Variants in ADGRA3 observed in about 807,000 individuals in gnomAD.
The protein encoded by ADGRA3 is G-protein coupled receptor 125.
A neutral mutation model predicts 119.8 loss-of-function variants in ADGRA3; 56 were observed. That is an observed-to-expected ratio of 0.47 (90% confidence interval 0.38 to 0.58). ADGRA3 has a LOEUF of 0.58. Among genes scored for constraint, ADGRA3 ranks in the 20% least tolerant of loss-of-function variants. ADGRA3 has a pLI of 0.00. For synonymous variants in ADGRA3, 607 were observed against 623.8 expected (o/e 0.97, Z 0.40); for missense variants, 1,516 against 1,649.0 (o/e 0.92, Z 1.40).
chr4:22,401,290 T>G (rs983686305), intron 16 of ADGRA3, 141 bp downstream of exon 16: 8 of 681,630 alleles, frequency 1.2e-5, no homozygotes, highest in South Asian at 6.2e-5. Flanking sequence ...AACTGGCAGA[T>G]TGTTTAAGTG....
chr4:22,447,480 A>T lies in ADGRA3; in HGVS notation c.505T>A (p.Ser169Thr). The T allele has an allele frequency of 6.3e-7, 1 of 1,581,836 alleles. No individual in the cohort carries two copies. Among genetic ancestry groups the T allele is most frequent in the East Asian group, 2.3e-5 (1 of 44,216 alleles). Residue 169 changes from serine (S) to threonine (T), a missense_variant, in exon 5 of 19, where the codon TCT becomes ACT. This residue lies in a region of ADGRA3 where 428 missense variants were observed against 541.9 expected (regional missense o/e 0.79). Transcript: ENST00000334304. Reference sequence around the variant, plus strand: ...GCAAGATAATCAAAAGTTCCTTGAGATAATGAAGAAAACAAATTCCCCGAA... The same window carrying T: ...GCAAGATAATCAAAAGTTCCTTGAGTTAATGAAGAAAACAAATTCCCCGAA... ...NLSGNLFSSL[S>T]QGTFDYLASL... is the part of the protein sequence containing the mutation.
chr4:22,405,002 A>G (rs1421566747), intron 14 of ADGRA3, among the ~76,000 whole-genome samples: 1 of 152,182 alleles, frequency 6.6e-6, no homozygotes, highest in Non-Finnish European at 1.5e-5. Flanking sequence ...GAAATGTTCA[A>G]TAACATGTTG....
intron 7 of ADGRA3, 54 bp from the exon 8 acceptor site, chr4:22,438,474 G>C: frequency 7.2e-7 from 1 of 1,383,596 alleles, no homozygotes; most frequent in African/African-American, 1.4e-5. Context: ...CAAAAAAGGA[G>C]ACAATAATGG....
intron 1 of ADGRA3, among the ~76,000 whole-genome samples, chr4:22,509,351 A>T (rs909596468): frequency 4.6e-5 from 7 of 151,866 alleles, no homozygotes; most frequent in Admixed American, 3.3e-4. Context: ...AGATCCAAAA[A>T]AATTAGCTGG....
chr4:22,422,532 T>C (rs1715748240), intron 11 of ADGRA3, among the ~76,000 whole-genome samples: 1 of 151,808 alleles, frequency 6.6e-6, no homozygotes, highest in Admixed American at 6.6e-5. Flanking sequence ...AACCACCAGA[T>C]CTTCTGACAA....
chr4:22,453,840 T>C (rs1288381949), intron 4 of ADGRA3, among the ~76,000 whole-genome samples: 1 of 152,092 alleles, frequency 6.6e-6, no homozygotes, highest in African/African-American at 2.4e-5. Context: ...CAAACAAAAC[T>C]TCTTTATTAC....
chr4:22,414,746 T>C (rs1412804922), intron 12 of ADGRA3: 5 of 572,900 alleles, frequency 8.7e-6, no homozygotes, highest in Non-Finnish European at 1.2e-5. Flanking sequence ...TGAATGCTCC[T>C]ATAGCACAAC....
At chr4:22,425,504 T>C (rs1715894452) in intron 10 of ADGRA3, among the ~76,000 whole-genome samples, 1 of 152,190 alleles carries the variant, frequency 6.6e-6, no homozygotes, top group Non-Finnish European at 1.5e-5. Flanking sequence ...CAAGAGGATT[T>C]TGTATTGAGC....
chr4:22,418,964 G>A (rs1044959451), intron 12 of ADGRA3, among the ~76,000 whole-genome samples: 2 of 152,186 alleles, frequency 1.3e-5, no homozygotes, highest in African/African-American at 4.8e-5. Context: ...TGGCATCGTT[G>A]TAGTGATACA....
In ADGRA3 at chr4:22,448,256, A is replaced by G. The variant is rs60840175; in HGVS notation, c.474-745T>C. On this transcript the variant is annotated intron_variant, in intron 4 of 18. Transcript: ENST00000334304. ...TGTGTGTGTACGCACTTCCGTGTAC[A>G]GCCAGTAACATGCTGGAATATAAAT... Among the ~76,000 whole-genome samples the G allele has an allele frequency of 1.5e-3, 236 of 152,322 alleles. 1 individual carries two copies. Among genetic ancestry groups the G allele is most frequent in the African/African-American group, 4.7e-3 (194 of 41,576 alleles).
At chr4:22,479,387 C>T (rs1331527595) in intron 1 of ADGRA3, among the ~76,000 whole-genome samples, 3 of 151,622 alleles carry the variant, frequency 2.0e-5, no homozygotes, top group South Asian at 2.1e-4. Context: ...GGCGTGAACC[C>T]GGGAGGCGGA....
intron 7 of ADGRA3, among the ~76,000 whole-genome samples, chr4:22,441,241 T>C (rs1309715274): frequency 6.6e-6 from 1 of 152,052 alleles, no homozygotes; most frequent in East Asian, 1.9e-4. Flanking sequence ...TGCACCAAGA[T>C]CTCTTACTGA....
chr4:22,433,699 C>T (rs1332871509), intron 10 of ADGRA3, among the ~76,000 whole-genome samples: 2 of 152,168 alleles, frequency 1.3e-5, no homozygotes, highest in Non-Finnish European at 2.9e-5. Flanking sequence ...GTCCACATTC[C>T]AAATGTCATT....
chr4:22,405,843 T>G (rs1304772392), intron 14 of ADGRA3, among the ~76,000 whole-genome samples: 1 of 152,212 alleles, frequency 6.6e-6, no homozygotes, highest in Non-Finnish European at 1.5e-5. Flanking sequence ...ATATGAAATA[T>G]GCAATAAATA....
intron 2 of ADGRA3, among the ~76,000 whole-genome samples, chr4:22,466,475 C>T (rs1192290186): frequency 6.6e-6 from 1 of 152,160 alleles, no homozygotes; most frequent in Non-Finnish European, 1.5e-5. Context: ...GCCTATAATC[C>T]CAGCACTTTG....
chr4:22,420,957 C>G lies in ADGRA3; in HGVS notation c.1738G>C (p.Glu580Gln). 1 of 1,614,098 alleles carries G rather than the reference C, an allele frequency of 6.2e-7. No homozygotes were observed. Among genetic ancestry groups the G allele is most frequent in the Non-Finnish European group, 8.5e-7 (1 of 1,179,992 alleles). Residue 580 changes from glutamate to glutamine, a missense_variant, in exon 12 of 19, where the codon GAG becomes CAG. Glu to Gln is a conservative substitution (Grantham distance 29). Around this residue, in one of 2 missense-constraint regions of ADGRA3, gnomAD observed 1,088 missense variants for 1,107.1 expected, o/e 0.98. Coordinates refer to ENST00000334304, the MANE Select transcript of ADGRA3 (RefSeq NM_145290.4). Reference sequence around the variant, plus strand: ...CTCAGCTGCTTATCCAGGTTTCCCTCTGGATCCCGCCTCCCATAATCCGAA... The same window carrying G: ...CTCAGCTGCTTATCCAGGTTTCCCTGTGGATCCCGCCTCCCATAATCCGAA... Reference protein sequence around the residue: ...GLSDYGRRDPEGNLDKQLSFK... With the variant: ...GLSDYGRRDPQGNLDKQLSFK...
chr4:22,387,771 G>C lies in ADGRA3; in HGVS notation c.3900C>G (p.Pro1300=). The C allele has an allele frequency of 1.2e-6, 2 of 1,614,036 alleles. No homozygotes were observed. Among genetic ancestry groups the C allele is most frequent in the Non-Finnish European group, 1.7e-6 (2 of 1,179,922 alleles). Residue 1300 remains proline (P), a synonymous_variant, in exon 19 of 19, where the codon CCC becomes CCG. Transcript: ENST00000334304. ...TGCCAGTGCTATCGGTACCGAGCAA[G>C]GGTCCCTCCTGCCCATTGCTTTTAA... The part of the protein sequence containing the change: ...GPIKSNGQEG[P]LLGTDSTGNV...
chr4:22,446,630 C>T (rs1393691440), intron 5 of ADGRA3, among the ~76,000 whole-genome samples: 1 of 151,926 alleles, frequency 6.6e-6, no homozygotes, highest in East Asian at 1.9e-4. Flanking sequence ...AGGAAGACTC[C>T]TAAATGAGAT....
At chr4:22,427,473 CAACA>C (rs1553875064) in intron 10 of ADGRA3, among the ~76,000 whole-genome samples, 3 of 148,558 alleles carry the variant, frequency 2.0e-5, no homozygotes, top group Non-Finnish European at 1.5e-5. Flanking sequence ...AAAAAAAAAA[CAACA>C]AATATCTCTA....
Sources: gnomAD v4.1 joint callset for allele counts (sites outside exome capture counted in the v4.1 genomes callset) on GRCh38, gnomAD v4.1.1 for gene constraint, gnomAD v4.1.1 regional missense constraint, MANE v1.5 for transcripts, NCBI Gene and HGNC (gene_info 2026-07-23, HGNC 2026-07-21) for gene names.